Variants in NAV2 observed in about 807,000 individuals in gnomAD.
NAV2 encodes neuron navigator 2.
In NAV2, 54 loss-of-function variants were observed where a neutral mutation model predicts 223.2. The ratio of observed to expected loss-of-function variants is 0.24; its 90% CI spans 0.19 to 0.30. NAV2 has a LOEUF of 0.30. NAV2 is among the 10% of genes least tolerant of loss of function. The probability of loss-of-function intolerance (pLI) is 1.00; values close to 1 mark genes in which losing one functional copy is unlikely to be tolerated. For missense variants in NAV2, 2,806 were observed against 3,147.5 expected, an observed-to-expected ratio of 0.89 and a Z score of 2.60; for synonymous variants, 1,279 against 1,239.3, an observed-to-expected ratio of 1.03 and a Z score of -0.67.
chr11:19,643,230 A>G (rs1192789000), intron 1 of NAV2, among the ~76,000 whole-genome samples: 2 of 152,076 alleles, frequency 1.3e-5, no homozygotes, highest in Non-Finnish European at 2.9e-5. Context: ...TTTGTTACAT[A>G]TGTATACATG....
intron 1 of NAV2, among the ~76,000 whole-genome samples, chr11:19,814,418 A>C (rs2058987042): frequency 6.6e-6 from 1 of 152,148 alleles, no homozygotes; most frequent in Non-Finnish European, 1.5e-5. Flanking sequence ...GAATGGTATC[A>C]TTTAAGCTGG....
At chr11:19,618,412 G>GAATA (rs1381974265) in intron 1 of NAV2, among the ~76,000 whole-genome samples, 10 of 143,642 alleles carry the variant, frequency 7.0e-5, no homozygotes, top group Non-Finnish European at 9.2e-5. Flanking sequence ...ATGGATGGAT[G>GAATA]GATGGATGGA....
intron 1 of NAV2, among the ~76,000 whole-genome samples, chr11:19,695,770 G>T (rs2152272455): frequency 6.6e-6 from 1 of 152,086 alleles, no homozygotes; most frequent in East Asian, 1.9e-4. Flanking sequence ...CAGGCATGGT[G>T]GTGTGTGCCT....
chr11:19,823,247 G>A (rs932852705), intron 1 of NAV2, among the ~76,000 whole-genome samples: 15 of 151,990 alleles, frequency 9.9e-5, no homozygotes, highest in East Asian at 5.8e-4. Flanking sequence ...CACTTTTGTC[G>A]CTCAGGCTGG....
chr11:19,493,531 A>G (rs2042698091), intron 1 of NAV2, among the ~76,000 whole-genome samples: 1 of 152,190 alleles, frequency 6.6e-6, no homozygotes, highest in African/African-American at 2.4e-5. Context: ...TTCCTCTATT[A>G]TAAAAAAGCT....
chr11:19,516,819 A>G (rs767274564), intron 1 of NAV2, among the ~76,000 whole-genome samples: 1 of 152,218 alleles, frequency 6.6e-6, no homozygotes, highest in Non-Finnish European at 1.5e-5. Context: ...CATATACAAC[A>G]TACCCAAGTA....
intron 1 of NAV2, among the ~76,000 whole-genome samples, chr11:19,421,673 C>G (rs940813575): frequency 4.0e-5 from 6 of 150,362 alleles, no homozygotes; most frequent in African/African-American, 1.2e-4. Context: ...ATTTGGAAAA[C>G]TGAGGCTGGA....
At chr11:19,690,810 A>T (rs1473405974) in intron 1 of NAV2, among the ~76,000 whole-genome samples, 1 of 152,180 alleles carries the variant, frequency 6.6e-6, no homozygotes, top group Non-Finnish European at 1.5e-5. Flanking sequence ...CATTTGCTGG[A>T]TGGGGAACTG....
At chr11:19,812,069 T>C (rs1337882329) in intron 1 of NAV2, among the ~76,000 whole-genome samples, 1 of 152,120 alleles carries the variant, frequency 6.6e-6, no homozygotes, top group Admixed American at 6.5e-5. Flanking sequence ...CCTGTCCACA[T>C]TGAAAAAAGG....
intron 26 of NAV2, among the ~76,000 whole-genome samples, chr11:20,084,202 A>G (rs889838306): frequency 1.2e-4 from 19 of 152,188 alleles, no homozygotes; most frequent in African/African-American, 4.6e-4. Context: ...GGTGCAAGCA[A>G]TTCTCCTGTC....
rs368037435 is a variant in NAV2 at position 19,389,659 on chromosome 11, A to C, written c.75+38632A>C. 9.2e-5 allele frequency among the ~76,000 whole-genome samples: 14 copies of C among 152,336 alleles called. No individual in the cohort carries two copies. The East Asian group carries it at 9.6e-4, about 10-fold the overall frequency. On this transcript the variant is annotated intron_variant, in intron 1 of 37. Transcript: ENST00000360655. ...GGGTTACATGCCATAATTTGTGTGA[A>C]TGGTCGGTGCAGTGTATGTATGGCA...
chr11:19,393,566 T>C (rs1258787254), intron 1 of NAV2, among the ~76,000 whole-genome samples: 2 of 152,264 alleles, frequency 1.3e-5, no homozygotes, highest in African/African-American at 2.4e-5. Flanking sequence ...CAATAAAATA[T>C]ATAGTTTTTG....
chr11:19,979,850 C>T (rs2050144551), intron 10 of NAV2, among the ~76,000 whole-genome samples: 1 of 152,188 alleles, frequency 6.6e-6, no homozygotes, highest in African/African-American at 2.4e-5. Flanking sequence ...CGCTGAAATG[C>T]GACAGTTGGG....
At chr11:19,451,685 G>T (rs893908234) in intron 1 of NAV2, among the ~76,000 whole-genome samples, 1 of 152,234 alleles carries the variant, frequency 6.6e-6, no homozygotes. Flanking sequence ...AGGCCTGCCT[G>T]TCCTGAGGAT....
intron 1 of NAV2, among the ~76,000 whole-genome samples, chr11:19,523,868 A>C (rs1244920865): frequency 2.0e-5 from 3 of 152,170 alleles, no homozygotes; most frequent in African/African-American, 7.2e-5. Flanking sequence ...GTCCCCAGAC[A>C]CTGAAGTTCT....
intron 31 of NAV2, among the ~76,000 whole-genome samples, chr11:20,099,287 G>A (rs910153987): frequency 3.3e-5 from 5 of 152,182 alleles, no homozygotes; most frequent in African/African-American, 4.8e-5. Context: ...AATCATCCTC[G>A]ACAAGAACCC....
chr11:19,774,851 T>C (rs1290888850), intron 1 of NAV2, among the ~76,000 whole-genome samples: 2 of 152,190 alleles, frequency 1.3e-5, no homozygotes, highest in African/African-American at 2.4e-5. Flanking sequence ...TCTCTCCTTG[T>C]ACCATGAGTG....
Position 19,713,688 on chromosome 11 carries a change from G to A in NAV2, c.-8G>A, listed in dbSNP as rs892262210. The A allele has an allele frequency of 9.7e-6, 15 of 1,552,722 alleles. No individual in the cohort carries two copies. Among genetic ancestry groups the A allele is most frequent in the Non-Finnish European group, 1.2e-5 (14 of 1,146,752 alleles). ...GACGTGCTGGGAAAGCCCAAGCCCC[G>A]GGAGAAGATGCCGGCCATCCTGGTC... On this transcript the variant is annotated 5_prime_UTR_variant, in exon 1 of 38. Transcript: ENST00000349880. This position sits in a 1 kb window ranked among gnomAD's most constrained non-coding sequence, Gnocchi z 7.2.
chr11:19,619,152 C>G (rs1202070377), intron 1 of NAV2, among the ~76,000 whole-genome samples: 6 of 151,436 alleles, frequency 4.0e-5, no homozygotes, highest in South Asian at 2.1e-4. Flanking sequence ...TTAATCCAGT[C>G]TATCATTGAT....
Sources: allele counts gnomAD v4.1 joint callset (sites outside exome capture counted in the v4.1 genomes callset), GRCh38; gene constraint gnomAD v4.1.1; non-coding constraint Gnocchi (gnomAD v3.1); transcripts MANE v1.5; gene names NCBI Gene and HGNC (gene_info 2026-07-23, HGNC 2026-07-21).